The following MAGI3 variants were observed in gnomAD, a reference collection of about 807,000 sequenced individuals.
The protein encoded by MAGI3 is membrane associated guanylate kinase, WW and PDZ domain containing 3.
MAGI3 carries 43 observed loss-of-function variants against 121.8 expected under a neutral mutation model. The ratio of observed to expected loss-of-function variants is 0.35; its 90% CI spans 0.28 to 0.46. MAGI3 has a LOEUF of 0.46. Among genes scored for constraint, MAGI3 ranks in the 20% least tolerant of loss-of-function variants. The pLI, the probability that MAGI3 is intolerant of heterozygous loss-of-function variation, is 1.00. For synonymous variants in MAGI3, 553 were observed against 639.3 expected (o/e 0.86, Z 2.04); for missense variants, 1,547 against 1,797.3 (o/e 0.86, Z 2.52).
In MAGI3 at chr1:113,390,875, G is replaced by C; in HGVS notation, c.-159G>C. The stretch of plus-strand genomic sequence containing the variant: ...GGGCGTCTCGCGTCTGGGAACGGCC[G>C]GGCCCCCAGCGGGCTGTGGTCGCGG... On this transcript the variant is annotated 5_prime_UTR_variant, in exon 1 of 21. Coordinates refer to ENST00000307546, the MANE Select transcript of MAGI3 (RefSeq NM_001142782.2). 2.7e-6 allele frequency: 1 copy of C among 364,478 alleles called. No individual in the cohort carries two copies. The allele number at this position is 364,478 out of a possible 1,614,324, so 22.6% of individuals were successfully genotyped here.
At chr1:113,641,866 T>A (rs778589888) in intron 9 of MAGI3, 45 bp from the exon 10 acceptor site, 5 of 1,503,924 alleles carry the variant, frequency 3.3e-6, no homozygotes, top group Non-Finnish European at 4.5e-6. Context: ...AAAAATTAAC[T>A]TATTTGTTGA....
intron 1 of MAGI3, among the ~76,000 whole-genome samples, chr1:113,523,071 G>A (rs1221451169): frequency 5.3e-5 from 8 of 152,154 alleles, no homozygotes; most frequent in Middle Eastern, 3.2e-3. Context: ...AGTCTCACGA[G>A]ATCTGATGGT....
chr1:113,426,958 A>C lies in MAGI3; in HGVS notation c.316+35609A>C, dbSNP rs183662228. Among the ~76,000 whole-genome samples the C allele has an allele frequency of 7.0e-3, 1,068 of 151,960 alleles. 13 individuals carry two copies. Among genetic ancestry groups the C allele is most frequent in the African/African-American group, 0.023 (960 of 41,440 alleles). On this transcript the variant is annotated intron_variant, in intron 1 of 20. Coordinates refer to ENST00000307546, the MANE Select transcript of MAGI3 (RefSeq NM_001142782.2). ...TCTATATATATCTGTATCTATCTAT[A>C]TATATATATATGATCATATATATGT...
intron 1 of MAGI3, among the ~76,000 whole-genome samples, chr1:113,503,961 C>G (rs1301880100): frequency 1.3e-5 from 2 of 151,788 alleles, no homozygotes; most frequent in Non-Finnish European, 2.9e-5. Context: ...TTCAAAGTGA[C>G]CTTTAGGATC....
intron 4 of MAGI3, among the ~76,000 whole-genome samples, chr1:113,589,199 C>T (rs1648554785): frequency 6.6e-6 from 1 of 151,684 alleles, no homozygotes; most frequent in South Asian, 2.1e-4. Flanking sequence ...GACACAAGGT[C>T]ATCAAATGAG....
chr1:113,534,590 GCTT>G (rs1174196332), intron 1 of MAGI3, among the ~76,000 whole-genome samples: 1 of 152,068 alleles, frequency 6.6e-6, no homozygotes, highest in Non-Finnish European at 1.5e-5. Flanking sequence ...CCTTGTACAT[GCTT>G]CTTAACTGGC....
chr1:113,477,523 AT>A (rs1414635942), intron 1 of MAGI3, among the ~76,000 whole-genome samples: 2 of 152,192 alleles, frequency 1.3e-5, no homozygotes, highest in Non-Finnish European at 2.9e-5. Context: ...TGGGTTGAAA[AT>A]TCTTTTCTTT....
intron 1 of MAGI3, among the ~76,000 whole-genome samples, chr1:113,444,995 G>A (rs1269512790): frequency 1.3e-5 from 2 of 152,156 alleles, no homozygotes; most frequent in African/African-American, 2.4e-5. Flanking sequence ...GCATATTTGA[G>A]CAGGCAGAAG....
rs140270208 is a variant in MAGI3 at position 113,628,560 on chromosome 1, C to T, written c.1360+5566C>T. On this transcript the variant is annotated intron_variant, in intron 9 of 20. Coordinates refer to ENST00000307546, the MANE Select transcript of MAGI3 (RefSeq NM_001142782.2). ...ATTGCTCGTTAATGTCCTTTTCTTTCGCATTGAAGAACCCCCTTTAGCATT... is the reference window on the plus strand; with the variant it reads ...ATTGCTCGTTAATGTCCTTTTCTTTTGCATTGAAGAACCCCCTTTAGCATT... 2.3e-3 allele frequency among the ~76,000 whole-genome samples: 349 copies of T among 152,176 alleles called. 4 individuals are homozygous for T. Among genetic ancestry groups the T allele is most frequent in the Non-Finnish European group, 5.1e-4 (35 of 67,996 alleles).
At position 113,630,025 on chromosome 1, in the gene MAGI3, C is replaced by T. The variant is rs1651523490; in HGVS notation, c.1360+7031C>T. ...GGCAAAGTGAGCTAGGTTCGTGTCCCTCTCTTCAGGATGGTGAGTTTCCCC... is the reference window on the plus strand; with the variant it reads ...GGCAAAGTGAGCTAGGTTCGTGTCCTTCTCTTCAGGATGGTGAGTTTCCCC... On this transcript the variant is annotated intron_variant, in intron 9 of 20. Transcript: ENST00000307546. Among the ~76,000 whole-genome samples the T allele has an allele frequency of 3.3e-5, 5 of 152,074 alleles. No individual in the cohort carries two copies. In the South Asian group the frequency reaches 1.0e-3, roughly 32 times the overall value.
In MAGI3 at chr1:113,584,651, CA is replaced by C. The variant is rs574520430; in HGVS notation, c.554-732del. Among the ~76,000 whole-genome samples the C allele has an allele frequency of 2.8e-3, 424 of 152,224 alleles. 1 individual carries two copies. Among genetic ancestry groups the C allele is most frequent in the Non-Finnish European group, 4.8e-3 (325 of 68,000 alleles). On this transcript the variant is annotated intron_variant, in intron 3 of 20. Transcript: ENST00000307546. ...TAGTTCATTATGTTACACATTAGAACAAAATTATTTCAGTTAGTTTTATCCT... is the reference window on the plus strand; with the variant it reads ...TAGTTCATTATGTTACACATTAGAACAAATTATTTCAGTTAGTTTTATCCT...
chr1:113,621,613 A>G (rs1650825882), intron 8 of MAGI3, among the ~76,000 whole-genome samples: 1 of 151,720 alleles, frequency 6.6e-6, no homozygotes. Flanking sequence ...CATAATAGCC[A>G]AAAAGTGGAA....
chr1:113,550,967 AAAAAG>A (rs1195046595), intron 2 of MAGI3, among the ~76,000 whole-genome samples: 1 of 108,124 alleles, frequency 9.2e-6, no homozygotes, highest in African/African-American at 2.6e-5. Context: ...AAGAAAAAAA[AAAAAG>A]AAGAAGAAGA....
At chr1:113,485,158 T>G (rs1223110358) in intron 1 of MAGI3, among the ~76,000 whole-genome samples, 1 of 152,232 alleles carries the variant, frequency 6.6e-6, no homozygotes, top group African/African-American at 2.4e-5. Context: ...TAATGACTTC[T>G]TTTCCTCTGG....
chr1:113,428,844 A>C (rs1217031067), intron 1 of MAGI3, among the ~76,000 whole-genome samples: 1 of 152,202 alleles, frequency 6.6e-6, no homozygotes, highest in Non-Finnish European at 1.5e-5. Context: ...CATATGCCTA[A>C]ATTTGTCCAA....
intron 1 of MAGI3, among the ~76,000 whole-genome samples, chr1:113,451,494 T>A (rs1293016123): frequency 6.6e-6 from 1 of 152,226 alleles, no homozygotes; most frequent in Non-Finnish European, 1.5e-5. Context: ...ACCCTTCTCA[T>A]TTATGGTACA....
chr1:113,437,877 T>C (rs12037721), intron 1 of MAGI3, among the ~76,000 whole-genome samples: 3 of 3,500 alleles, frequency 8.6e-4, no homozygotes, highest in Admixed American at 3.6e-3. Flanking sequence ...TTCTTCTTCT[T>C]CTCCTTCTCC....
At chr1:113,409,166 CT>C (rs57811709) in intron 1 of MAGI3, among the ~76,000 whole-genome samples, 24,200 of 143,376 alleles carry the variant, frequency 0.17, 2,191 homozygotes, top group Non-Finnish European at 0.21. Context: ...AGGATCTGTT[CT>C]TTTTTTTTTT....
At chr1:113,424,146 C>T (rs1313764905) in intron 1 of MAGI3, among the ~76,000 whole-genome samples, 1 of 152,130 alleles carries the variant, frequency 6.6e-6, no homozygotes, top group African/African-American at 2.4e-5. Flanking sequence ...CTGGGATCAC[C>T]TGTTCCTAGC....
Sources: gnomAD v4.1 joint callset for allele counts (sites outside exome capture counted in the v4.1 genomes callset) on GRCh38, gnomAD v4.1.1 for gene constraint, MANE v1.5 for transcripts, NCBI Gene and HGNC (gene_info 2026-07-23, HGNC 2026-07-21) for gene names.